The following SAMD11 variants were observed in gnomAD, a reference collection of about 807,000 sequenced individuals.
SAMD11 encodes the protein sterile alpha motif domain-containing protein 11.
Under a neutral mutation model 64.4 loss-of-function variants are expected in SAMD11, and 77 were observed. That is an observed-to-expected ratio of 1.20 (90% CI 0.99 to 1.44). The LOEUF is 1.44. Among genes scored for constraint, SAMD11 ranks in the 40% most tolerant of loss-of-function variants. SAMD11 has a pLI of 0.00. For synonymous variants in SAMD11, 658 were observed against 421.9 expected (o/e 1.56, Z -6.86); for missense variants, 1,402 against 943.3 (o/e 1.49, Z -6.37).
At position 943,923 on chromosome 1, in the gene SAMD11, G is replaced by A. The variant is rs1641988011; in HGVS notation, c.2305G>A (p.Gly769Ser). ...KIRAQVARRL[G>S]RVFYVASFPV... ...CTCTCTGCAGGTGGCCAGGCGCCTG[G>A]GCCGAGTTTTCTACGTGGCCAGCTT... Residue 769 changes from glycine (G) to serine (S), a missense_variant, in exon 14 of 14, where the codon GGC (glycine) becomes AGC (serine). Physicochemically the swap from Gly to Ser is moderately conservative, Grantham distance 56 (BLOSUM62 0). Coordinates refer to ENST00000616016, the MANE Select transcript of SAMD11 (RefSeq NM_001385641.1). 2 of 1,612,676 alleles carry A rather than the reference G, an allele frequency of 1.2e-6. No individual in the cohort carries two copies. The highest frequency in any genetic ancestry group is 2.2e-5 in the East Asian group (1 of 44,872).
intron 2 of SAMD11, among the ~76,000 whole-genome samples, chr1:926,258 C>T (rs541558266): frequency 6.6e-6 from 1 of 152,350 alleles, no homozygotes; most frequent in Admixed American, 6.5e-5. Flanking sequence ...CCGCGCTTGT[C>T]TTAGAGCCTC....
intron 4 of SAMD11, among the ~76,000 whole-genome samples, chr1:932,312 C>T (rs566256866): frequency 9.2e-5 from 14 of 152,326 alleles, no homozygotes; most frequent in African/African-American, 2.9e-4. Context: ...CCCCCTCCTC[C>T]GTCTGCCTGG....
chr1:943,525 CCTTT>C (rs1641948273), intron 12 of SAMD11, 148 bp downstream of exon 12: 8 of 822,498 alleles, frequency 9.7e-6, no homozygotes, highest in East Asian at 5.7e-5. Context: ...GTGCACCCCA[CCTTT>C]TTTTTTTTTT....
rs535335689 is a variant in SAMD11, at chr1:926,137, C to T, written c.609+124C>T. 2.5e-4 allele frequency: 230 copies of T among 906,340 alleles called. 1 individual carries two copies. In the African/African-American group the frequency reaches 3.0e-3, roughly 12 times the overall value. The allele number at this position is 906,340 out of a possible 1,614,324, so 56.1% of individuals were successfully genotyped here. On this transcript the variant is annotated intron_variant, in intron 2 of 13. Coordinates refer to ENST00000616016, the MANE Select transcript of SAMD11 (RefSeq NM_001385641.1). ...CCCCTGCGGGTGTGCTGGAGGGAGC[C>T]TCCGAAGGGCAGGGGGAAGCGGCTT...
chr1:939,805 G>A (rs894702196), intron 7 of SAMD11, among the ~76,000 whole-genome samples: 4 of 152,094 alleles, frequency 2.6e-5, no homozygotes, highest in Non-Finnish European at 4.4e-5. Flanking sequence ...CCTGCCAGAC[G>A]CCTGCCCCAG....
At chr1:926,120 G>A in intron 2 of SAMD11, 107 bp downstream of exon 2, 1 of 1,117,576 alleles carries the variant, frequency 8.9e-7, no homozygotes, top group Non-Finnish European at 1.3e-6. Context: ...CACCCCTGCG[G>A]GTGTGCTGGA....
chr1:941,190 C>T lies in SAMD11; in HGVS notation c.1242C>T (p.Gly414=). ...RQEVAAAALR[G]PSGLEAHLPS... The stretch of plus-strand genomic sequence containing the variant: ...AGGTGGCGGCTGCAGCTCTGAGGGG[C>T]CCCAGTGGCCTGGAAGCCCACCTGC... The change falls in exon 8 of 14, where the codon GGC becomes GGT. Residue 414 remains glycine, a synonymous_variant. Coordinates refer to ENST00000616016, the MANE Select transcript of SAMD11 (RefSeq NM_001385641.1). 1 of 1,601,538 alleles carries T rather than the reference C, an allele frequency of 6.2e-7. No individual in the cohort carries two copies. The highest frequency in any genetic ancestry group is 8.5e-7 in the Non-Finnish European group (1 of 1,175,020).
chr1:937,396 G>GCC (rs5772023), intron 5 of SAMD11, among the ~76,000 whole-genome samples: 89 of 134,704 alleles, frequency 6.6e-4, no homozygotes, highest in African/African-American at 2.2e-3. Context: ...CCTTCCACCT[G>GCC]CCCCCCCCCC....
intron 2 of SAMD11, among the ~76,000 whole-genome samples, chr1:926,903 G>T (rs764526296): frequency 6.6e-6 from 1 of 152,160 alleles, no homozygotes; most frequent in African/African-American, 2.4e-5. Flanking sequence ...GGTGCAAAAT[G>T]GGCCTGAGGG....
At chr1:936,783 G>T (rs1474226686) in intron 5 of SAMD11, among the ~76,000 whole-genome samples, 2 of 152,194 alleles carry the variant, frequency 1.3e-5, no homozygotes, top group Non-Finnish European at 2.9e-5. Context: ...GGTGGGGGCA[G>T]CTTCTGATGC....
At chr1:941,116 G>A in intron 7 of SAMD11, 28 bp from the exon 8 acceptor site, 1 of 1,570,502 alleles carries the variant, frequency 6.4e-7, no homozygotes, top group Non-Finnish European at 8.6e-7. Context: ...CATAGCCGGG[G>A]GGATCACTGC....
chr1:925,953 G>A lies in SAMD11; in HGVS notation c.549G>A (p.Gly183=), dbSNP rs1349221494. Reference sequence around the variant, plus strand: ...GTCTGAAGACGCTTATGTCCAAGGGGATCCTGCAGGTGCATCCTCCGATCT... The same window carrying A: ...GTCTGAAGACGCTTATGTCCAAGGGAATCCTGCAGGTGCATCCTCCGATCT... ...GKSLKTLMSK[G]ILQVHPPICD... is the part of the protein sequence containing the mutation. The change falls in exon 2 of 14, where the codon GGG becomes GGA. Residue 183 remains glycine, a synonymous_variant. Transcript: ENST00000616016. The A allele has an allele frequency of 1.9e-6, 3 of 1,611,846 alleles. No individual in the cohort carries two copies. Among genetic ancestry groups the A allele is most frequent in the African/African-American group, 2.7e-5 (2 of 74,942 alleles).
intron 5 of SAMD11, among the ~76,000 whole-genome samples, chr1:937,107 C>T (rs1363538522): frequency 1.3e-5 from 2 of 152,168 alleles, no homozygotes; most frequent in Non-Finnish European, 2.9e-5. Flanking sequence ...GTCTCCCATA[C>T]GCACTCCGTG....
At position 931,194 on chromosome 1, in the gene SAMD11, C is replaced by G. The variant is rs1300240786; in HGVS notation, c.842+105C>G. ...CTGCTGTCCGCTGTCTCAGCGTGAGCTGATGCTGTGATGCTGGCTGAGTGT... is the reference window on the plus strand; with the variant it reads ...CTGCTGTCCGCTGTCTCAGCGTGAGGTGATGCTGTGATGCTGGCTGAGTGT... On this transcript the variant is annotated intron_variant, in intron 4 of 13. Coordinates refer to ENST00000616016, the MANE Select transcript of SAMD11 (RefSeq NM_001385641.1). The G allele has an allele frequency of 6.9e-5, 72 of 1,045,352 alleles. No individual in the cohort carries two copies. In the South Asian group the frequency reaches 8.9e-4, roughly 13 times the overall value. 64.8% of individuals were successfully genotyped at this position (1,045,352 alleles called of 1,614,324 possible).
intron 4 of SAMD11, among the ~76,000 whole-genome samples, chr1:933,554 G>A (rs1641268325): frequency 6.6e-6 from 1 of 151,996 alleles, no homozygotes; most frequent in African/African-American, 2.4e-5. Context: ...CCAGAGGGGG[G>A]ACCCCTGGGG....
At chr1:936,419 A>AG (rs959176782) in intron 5 of SAMD11, among the ~76,000 whole-genome samples, 4 of 145,662 alleles carry the variant, frequency 2.7e-5, no homozygotes, top group African/African-American at 5.6e-5. Context: ...TCCTGGACGG[A>AG]GGGGGTCCCC....
chr1:931,480 G>A (rs1641167786), intron 4 of SAMD11, among the ~76,000 whole-genome samples: 1 of 152,216 alleles, frequency 6.6e-6, no homozygotes, highest in Non-Finnish European at 1.5e-5. Context: ...GAATGCTGAT[G>A]TGTGAGTGGG....
Position 943,784 on chromosome 1 carries a change from G to A in SAMD11, c.2265G>A (p.Gly755=), listed in dbSNP as rs1296867605. 4 of 1,612,532 alleles carry A rather than the reference G, an allele frequency of 2.5e-6. No individual in the cohort carries two copies. Among genetic ancestry groups the A allele is most frequent in the South Asian group, 2.2e-5 (2 of 91,048 alleles). The change falls in exon 13 of 14, where the codon GGG becomes GGA. Residue 755 remains glycine, a synonymous_variant. Transcript: ENST00000616016. The stretch of plus-strand genomic sequence containing the variant: ...TGACCAACATGGGGCTGAAGCTGGG[G>A]CCCGCCCTCAAGATCCGGGCCCAGG... ...HLLTNMGLKL[G]PALKIRAQVA...
rs1164184907 is a variant in SAMD11, at chr1:924,534, G to A, written c.103G>A (p.Gly35Ser). 4 of 150,590 alleles carry A rather than the reference G, an allele frequency of 2.7e-5. No homozygotes were observed. The highest frequency in any genetic ancestry group is 7.3e-5 in the African/African-American group (3 of 41,164). The allele number at this position is 150,590 out of a possible 1,614,324, so 9.3% of individuals were successfully genotyped here. Residue 35 changes from glycine (G) to serine (S), a missense_variant, in exon 1 of 14, where the codon GGC (glycine) becomes AGC (serine). Physicochemically the swap from Gly to Ser is moderately conservative, Grantham distance 56. Transcript: ENST00000616016. ...LAALPLPPLP[G>S]YLAPLPAAAA... The stretch of plus-strand genomic sequence containing the variant: ...CGCGCTGCCGCTGCCGCCGCTGCCA[G>A]GCTACCTGGCGCCACTGCCCGCGGC...
Sources: gnomAD v4.1 joint callset for allele counts (sites outside exome capture counted in the v4.1 genomes callset) on GRCh38, gnomAD v4.1.1 for gene constraint, MANE v1.5 for transcripts, NCBI Gene and HGNC (gene_info 2026-07-23, HGNC 2026-07-21) for gene names.